ZDHHC14: variants seen among roughly 807,000 people sequenced by gnomAD.
The protein encoded by ZDHHC14 is palmitoyltransferase ZDHHC14.
ZDHHC14 carries 16 observed loss-of-function variants against 47.7 expected under a neutral mutation model. That is an observed-to-expected ratio of 0.34 (90% confidence interval 0.23 to 0.51). ZDHHC14 has a LOEUF of 0.51. Ranked by LOEUF, ZDHHC14 falls within the 20% of genes least tolerant of loss-of-function variation. The pLI, the probability that ZDHHC14 is intolerant of heterozygous loss-of-function variation, is 0.97. For missense variants in ZDHHC14, 515 were observed against 662.5 expected (o/e 0.78, Z 2.44); for synonymous variants, 293 against 278.9 (o/e 1.05, Z -0.50).
chr6:157,653,083 G>A (rs1249754034), intron 7 of ZDHHC14, among the ~76,000 whole-genome samples: 2 of 152,204 alleles, frequency 1.3e-5, no homozygotes. Context: ...CTGTGGCTCT[G>A]TTCCCACGTG....
chr6:157,650,187 C>T (rs149232923), intron 7 of ZDHHC14, among the ~76,000 whole-genome samples: 38 of 152,286 alleles, frequency 2.5e-4, no homozygotes, highest in African/African-American at 6.0e-4. Context: ...GTGCGTGGGC[C>T]GCCCAAGAGT....
At chr6:157,628,320 T>A (rs1269534661) in intron 3 of ZDHHC14, 29 bp from the exon 4 acceptor site, 4 of 654,218 alleles carry the variant, frequency 6.1e-6, no homozygotes. Context: ...TGATTTCCAC[T>A]TTTTTTTTTT....
intron 1 of ZDHHC14, among the ~76,000 whole-genome samples, chr6:157,515,219 G>C (rs937701287): frequency 6.6e-6 from 1 of 152,094 alleles, no homozygotes; most frequent in Non-Finnish European, 1.5e-5. Context: ...CATATCGCTG[G>C]TGACCAGAAG....
intron 1 of ZDHHC14, among the ~76,000 whole-genome samples, chr6:157,455,570 T>G (rs527943858): frequency 1.2e-4 from 19 of 152,256 alleles, no homozygotes; most frequent in Admixed American, 2.0e-4. Context: ...GTGCTTGCGT[T>G]TGTGTTGTTT....
chr6:157,473,328 A>G (rs1779398032), intron 1 of ZDHHC14, among the ~76,000 whole-genome samples: 1 of 152,210 alleles, frequency 6.6e-6, no homozygotes, highest in African/African-American at 2.4e-5. Context: ...TCCCTCCCTG[A>G]CAATCCTTGG....
At chr6:157,549,222 G>A (rs148286704) in intron 2 of ZDHHC14, among the ~76,000 whole-genome samples, 21 of 152,318 alleles carry the variant, frequency 1.4e-4, no homozygotes, top group East Asian at 1.4e-3. Flanking sequence ...CTCTCTCCCC[G>A]GTACAGCCTC....
At chr6:157,384,903 A>C (rs184185850) in intron 1 of ZDHHC14, among the ~76,000 whole-genome samples, 1 of 152,186 alleles carries the variant, frequency 6.6e-6, no homozygotes, top group African/African-American at 2.4e-5. Context: ...GTGGTCCTCT[A>C]TTTTGATTGT....
At chr6:157,522,970 CT>C (rs1562461036) in intron 1 of ZDHHC14, among the ~76,000 whole-genome samples, 28 of 34,588 alleles carry the variant, frequency 8.1e-4, no homozygotes, top group African/African-American at 4.9e-3. Context: ...TCTTTCTTTT[CT>C]TTTCTTTTCT....
intron 1 of ZDHHC14, among the ~76,000 whole-genome samples, chr6:157,497,979 G>A (rs1431011732): frequency 6.6e-6 from 1 of 152,156 alleles, no homozygotes; most frequent in Non-Finnish European, 1.5e-5. Flanking sequence ...AGACAGTAAG[G>A]GCAACAGGAG....
intron 1 of ZDHHC14, among the ~76,000 whole-genome samples, chr6:157,478,509 C>G (rs1043149694): frequency 6.6e-6 from 1 of 152,198 alleles, no homozygotes; most frequent in African/African-American, 2.4e-5. Flanking sequence ...TTCTTTACTT[C>G]TAATCATTTT....
chr6:157,562,327 T>G (rs1211490421), intron 2 of ZDHHC14, among the ~76,000 whole-genome samples: 1 of 152,160 alleles, frequency 6.6e-6, no homozygotes. Context: ...GAACAGCTGG[T>G]GCAGCCTCAG....
At chr6:157,431,761 A>G (rs1369140040) in intron 1 of ZDHHC14, among the ~76,000 whole-genome samples, 2 of 147,720 alleles carry the variant, frequency 1.4e-5, no homozygotes, top group Non-Finnish European at 3.0e-5. Flanking sequence ...ACGGAGTCTC[A>G]CTGTGTCACT....
In ZDHHC14 at chr6:157,672,974, C is replaced by T. The variant is rs1282187036; in HGVS notation, c.1319C>T (p.Thr440Met). Residue 440 changes from threonine to methionine, a missense_variant, in exon 9 of 9, where the codon ACG (threonine) becomes ATG (methionine). By Grantham distance (81) the Thr-to-Met change is moderately conservative (BLOSUM62 -1). Coordinates refer to ENST00000359775, the MANE Select transcript of ZDHHC14 (RefSeq NM_024630.3). The stretch of plus-strand genomic sequence containing the variant: ...GAGCACATGGGCCACCAGTTCCTGA[C>T]GCCCGATGAGGCGCCCTCGCCCCCC... ...KDEHMGHQFL[T>M]PDEAPSPPRL... The T allele has an allele frequency of 4.4e-6, 7 of 1,597,070 alleles. No individual in the cohort carries two copies. In the South Asian group the frequency reaches 4.5e-5, roughly 10 times the overall value.
intron 1 of ZDHHC14, among the ~76,000 whole-genome samples, chr6:157,458,849 A>ATTTTTGTTT (rs1778991969): frequency 1.2e-5 from 1 of 81,226 alleles, no homozygotes; most frequent in Non-Finnish European, 2.3e-5. Flanking sequence ...ATGTGGGTGG[A>ATTTTTGTTT]TTTTTTTTTT....
At chr6:157,494,326 A>G (rs942906601) in intron 1 of ZDHHC14, among the ~76,000 whole-genome samples, 2 of 152,008 alleles carry the variant, frequency 1.3e-5, no homozygotes, top group Non-Finnish European at 2.9e-5. Context: ...CCCTCCTCCG[A>G]CCTTCCCCTG....
At chr6:157,473,010 G>A (rs1189727313) in intron 1 of ZDHHC14, among the ~76,000 whole-genome samples, 1 of 152,188 alleles carries the variant, frequency 6.6e-6, no homozygotes, top group African/African-American at 2.4e-5. Context: ...TCAAAAATCT[G>A]TGATTCATTT....
intron 3 of ZDHHC14, among the ~76,000 whole-genome samples, chr6:157,615,113 C>T (rs1784914155): frequency 6.6e-6 from 1 of 152,032 alleles, no homozygotes; most frequent in Non-Finnish European, 1.5e-5. Context: ...TTTCATTTTG[C>T]CACGGGCCCC....
intron 1 of ZDHHC14, among the ~76,000 whole-genome samples, chr6:157,405,107 A>G (rs938428816): frequency 1.3e-5 from 2 of 152,210 alleles, no homozygotes; most frequent in African/African-American, 2.4e-5. Flanking sequence ...CTCATTAAAA[A>G]TATATATTCT....
chr6:157,454,596 G>A (rs1417025678), intron 1 of ZDHHC14, among the ~76,000 whole-genome samples: 1 of 151,028 alleles, frequency 6.6e-6, no homozygotes, highest in East Asian at 1.9e-4. Flanking sequence ...GAACTCCTTG[G>A]CTCAAGTGAT....
Sources: allele counts gnomAD v4.1 joint callset (sites outside exome capture counted in the v4.1 genomes callset), GRCh38; gene constraint gnomAD v4.1.1; transcripts MANE v1.5; gene names NCBI Gene and HGNC (gene_info 2026-07-23, HGNC 2026-07-21).